The following MYO5A variants were observed in gnomAD, a reference collection of about 807,000 sequenced individuals.
MYO5A encodes unconventional myosin-Va.
Under a neutral mutation model 249.7 loss-of-function variants are expected in MYO5A, and 98 were observed. That is an observed-to-expected ratio of 0.39 (90% confidence interval 0.33 to 0.46). The LOEUF is 0.46. MYO5A is among the 20% of genes least tolerant of loss of function. The probability of loss-of-function intolerance (pLI) is 0.98; values close to 1 mark genes in which losing one functional copy is unlikely to be tolerated. For missense variants in MYO5A, 1,696 were observed against 2,308.8 expected (o/e 0.73, Z 5.44); for synonymous variants, 778 against 810.6 (o/e 0.96, Z 0.68).
chr15:52,410,191 G>A (rs2043187737), intron 6 of MYO5A, 142 bp downstream of exon 6: 5 of 1,026,324 alleles, frequency 4.9e-6, no homozygotes, highest in Non-Finnish European at 7.5e-6. Flanking sequence ...CATTTTACAG[G>A]CTTCAGTCCA....
At chr15:52,332,143 G>T (rs936448767) in intron 34 of MYO5A, among the ~76,000 whole-genome samples, 2 of 152,132 alleles carry the variant, frequency 1.3e-5, no homozygotes, top group South Asian at 4.1e-4. Context: ...CTTTTAAGCC[G>T]CATGTACAAT....
chr15:52,378,413 G>C (rs868501512), intron 18 of MYO5A, among the ~76,000 whole-genome samples: 1 of 150,226 alleles, frequency 6.7e-6, no homozygotes, highest in Non-Finnish European at 1.5e-5. Flanking sequence ...CCCAGCTACT[G>C]GGGGGGCTGA....
intron 1 of MYO5A, among the ~76,000 whole-genome samples, chr15:52,448,038 A>T (rs1313150303): frequency 6.6e-6 from 1 of 152,218 alleles, no homozygotes; most frequent in Non-Finnish European, 1.5e-5. Context: ...CTGTGAGAAG[A>T]TGGCTACTGT....
chr15:52,512,740 T>C (rs2077417544), intron 1 of MYO5A, among the ~76,000 whole-genome samples: 1 of 152,228 alleles, frequency 6.6e-6, no homozygotes, highest in Non-Finnish European at 1.5e-5. Flanking sequence ...ATTTCACACC[T>C]ATTATTAGCA....
At chr15:52,341,000 AT>A (rs1250152272) in intron 31 of MYO5A, among the ~76,000 whole-genome samples, 2 of 152,188 alleles carry the variant, frequency 1.3e-5, no homozygotes, top group East Asian at 3.9e-4. Context: ...AAAAAAAAAA[AT>A]CAATTGAAAA....
intron 1 of MYO5A, among the ~76,000 whole-genome samples, chr15:52,503,810 T>C (rs1292323747): frequency 2.0e-5 from 3 of 152,316 alleles, no homozygotes; most frequent in African/African-American, 7.2e-5. Flanking sequence ...ATTTTCTCAC[T>C]TCTAAGAGGT....
chr15:52,515,286 A>AAAAG (rs3079114), intron 1 of MYO5A, among the ~76,000 whole-genome samples: 98,301 of 147,808 alleles, frequency 0.67, 34,777 homozygotes, highest in Non-Finnish European at 0.76. Context: ...CAAGAAAAAA[A>AAAAG]AAAGAAAGAA....
At chr15:52,375,647 A>G (rs757535799) in intron 19 of MYO5A, among the ~76,000 whole-genome samples, 187 bp from the exon 20 acceptor site, 1 of 152,318 alleles carries the variant, frequency 6.6e-6, no homozygotes, top group East Asian at 1.9e-4. Flanking sequence ...ATAGTTTCCC[A>G]AAGTATTTTT....
chr15:52,460,052 C>A (rs1482606569), intron 1 of MYO5A, among the ~76,000 whole-genome samples: 1 of 148,760 alleles, frequency 6.7e-6, no homozygotes, highest in South Asian at 2.1e-4. Context: ...TCAGACGGGG[C>A]GGCGGGGCAG....
At chr15:52,321,620 G>T in intron 37 of MYO5A, 111 bp from the exon 38 acceptor site, 1 of 1,207,518 alleles carries the variant, frequency 8.3e-7, no homozygotes, top group Non-Finnish European at 1.2e-6. Flanking sequence ...TGTCCAAGGA[G>T]CTTCCCCACT....
intron 30 of MYO5A, among the ~76,000 whole-genome samples, chr15:52,345,122 C>T (rs1237635795): frequency 1.3e-5 from 2 of 152,260 alleles, no homozygotes; most frequent in East Asian, 1.9e-4. Context: ...CACAGACGTT[C>T]GAATCCCTTA....
At chr15:52,475,741 T>C (rs2076577898) in intron 1 of MYO5A, among the ~76,000 whole-genome samples, 1 of 152,250 alleles carries the variant, frequency 6.6e-6, no homozygotes, top group Admixed American at 6.5e-5. Context: ...GATTGCACTG[T>C]GGTCTGAGAG....
intron 9 of MYO5A, among the ~76,000 whole-genome samples, chr15:52,403,551 G>A (rs568218635): frequency 1.3e-5 from 2 of 152,284 alleles, no homozygotes; most frequent in Non-Finnish European, 2.9e-5. Flanking sequence ...TAGGGAAATA[G>A]ACACATAGGT....
At chr15:52,371,128 A>C (rs367601717) in intron 21 of MYO5A, among the ~76,000 whole-genome samples, 30 of 151,518 alleles carry the variant, frequency 2.0e-4, no homozygotes, top group Non-Finnish European at 2.4e-4. Context: ...AAAAAACAAA[A>C]AAAAAAAACC....
At chr15:52,505,648 G>T in intron 1 of MYO5A, 1 of 1,283,102 alleles carries the variant, frequency 7.8e-7, no homozygotes, top group African/African-American at 1.5e-5. Flanking sequence ...TGATGAGACA[G>T]ATATGGCGAA....
chr15:52,525,984 T>G (rs1042574208), intron 1 of MYO5A, among the ~76,000 whole-genome samples: 1 of 152,202 alleles, frequency 6.6e-6, no homozygotes, highest in African/African-American at 2.4e-5. Flanking sequence ...TTAAGCAAAG[T>G]ACCTGGCACA....
At chr15:52,392,636 T>C (rs2042293704) in intron 11 of MYO5A, among the ~76,000 whole-genome samples, 1 of 152,260 alleles carries the variant, frequency 6.6e-6, no homozygotes, top group African/African-American at 2.4e-5. Flanking sequence ...CATTAAATTC[T>C]GTTAGCAACT....
Position 52,311,935 on chromosome 15 carries a change from T to C in MYO5A, c.*1761A>G, listed in dbSNP as rs1310203772. The C allele has an allele frequency of 4.9e-5, 1 of 20,374 alleles. No homozygotes were observed. The highest frequency in any genetic ancestry group is 1.3e-4 in the Non-Finnish European group (1 of 7,602). The allele number at this position is 20,374 out of a possible 1,614,324, so 1.3% of individuals were successfully genotyped here. Reference sequence around the variant, plus strand: ...TCCATAAATATTGCACATATTTTAATAAGATTTATAGACCATCTAACAGTT... The same window carrying C: ...TCCATAAATATTGCACATATTTTAACAAGATTTATAGACCATCTAACAGTT... On this transcript the variant is annotated 3_prime_UTR_variant, in exon 42 of 42. Transcript: ENST00000399233.
intron 35 of MYO5A, among the ~76,000 whole-genome samples, chr15:52,329,905 A>ATTTTTTTTTTT (rs58058940): frequency 1.9e-4 from 23 of 119,746 alleles, no homozygotes; most frequent in Admixed American, 2.5e-4. Context: ...CGCCTGGGTA[A>ATTTTTTTTTTT]TTTTTTTTTT....
Sources: allele counts gnomAD v4.1 joint callset (sites outside exome capture counted in the v4.1 genomes callset), GRCh38; gene constraint gnomAD v4.1.1; transcripts MANE v1.5; gene names NCBI Gene and HGNC (gene_info 2026-07-23, HGNC 2026-07-21).